Variants in ZNF277 observed in about 807,000 individuals in gnomAD.
ZNF277 encodes the protein nuclear receptor-interacting factor 4.
ZNF277 carries 55 observed loss-of-function variants against 60.7 expected under a neutral mutation model. The observed-to-expected ratio is 0.91, with a 90% CI of 0.73 to 1.13. The LOEUF (loss-of-function observed/expected upper bound fraction) is 1.13. Ranked by LOEUF, ZNF277 falls within the 50% of genes most tolerant of loss-of-function variation. The pLI, the probability that ZNF277 is intolerant of heterozygous loss-of-function variation, is 0.00. For synonymous variants in ZNF277, 178 were observed against 179.3 expected, an observed-to-expected ratio of 0.99 and a Z score of 0.06; for missense variants, 510 against 523.0, an observed-to-expected ratio of 0.98 and a Z score of 0.24.
At chr7:112,327,610 C>T in intron 5 of ZNF277, 107 bp from the exon 6 acceptor site, 1 of 762,290 alleles carries the variant, frequency 1.3e-6, no homozygotes, top group Non-Finnish European at 2.2e-6. Context: ...GTGCTTAGCA[C>T]TTGCTTATAC....
intron 1 of ZNF277, among the ~76,000 whole-genome samples, chr7:112,229,432 G>T (rs1016792058): frequency 3.9e-5 from 6 of 152,202 alleles, no homozygotes; most frequent in Non-Finnish European, 7.4e-5. Context: ...AGCAGTGGTA[G>T]ATAAAATGGA....
In ZNF277 at chr7:112,324,855, T is replaced by A. The variant is rs7811013; in HGVS notation, c.558-2862T>A. Among the ~76,000 whole-genome samples, 1,000 of 152,242 alleles carry A rather than the reference T, an allele frequency of 6.6e-3. 9 individuals carry two copies. The highest frequency in any genetic ancestry group is 0.023 in the African/African-American group (939 of 41,528). The stretch of plus-strand genomic sequence containing the variant: ...CAAGTTGGAGATTCAAGAAAGCCAG[T>A]GGTAAATTCAGTCTGAGTCTAAAGG... On this transcript the variant is annotated intron_variant, in intron 5 of 11. Coordinates refer to ENST00000361822, the MANE Select transcript of ZNF277 (RefSeq NM_021994.3).
chr7:112,209,542 C>T (rs1053075994), intron 1 of ZNF277, among the ~76,000 whole-genome samples: 3 of 152,094 alleles, frequency 2.0e-5, no homozygotes, highest in Admixed American at 1.3e-4. Context: ...AAAAATTTCT[C>T]ACCCTCGGTG....
At chr7:112,244,190 A>T (rs1030441594) in intron 1 of ZNF277, among the ~76,000 whole-genome samples, 1 of 152,152 alleles carries the variant, frequency 6.6e-6, no homozygotes, top group African/African-American at 2.4e-5. Context: ...TACAATGTAC[A>T]CTATTCAGGT....
intron 4 of ZNF277, among the ~76,000 whole-genome samples, chr7:112,310,481 GTGTGTGTGT>G: frequency 1.4e-5 from 2 of 146,800 alleles, no homozygotes; most frequent in African/African-American, 5.3e-5. Flanking sequence ...GAGAGAGAGT[GTGTGTGTGT>G]GTATGTATTT....
At chr7:112,238,163 A>C (rs1790852351) in intron 1 of ZNF277, among the ~76,000 whole-genome samples, 1 of 152,190 alleles carries the variant, frequency 6.6e-6, no homozygotes, top group African/African-American at 2.4e-5. Flanking sequence ...CACTGAATAG[A>C]ATAGGAAAGA....
chr7:112,293,876 G>C (rs1253797934), intron 2 of ZNF277, among the ~76,000 whole-genome samples: 2 of 152,122 alleles, frequency 1.3e-5, no homozygotes, highest in Non-Finnish European at 2.9e-5. Flanking sequence ...TCCACTCCTT[G>C]GTGTATTCTA....
At chr7:112,329,095 A>G (rs2117128558) in intron 6 of ZNF277, among the ~76,000 whole-genome samples, 1 of 152,336 alleles carries the variant, frequency 6.6e-6, no homozygotes, top group South Asian at 2.1e-4. Flanking sequence ...ATAAAAGAAT[A>G]TACTACAAAA....
intron 1 of ZNF277, among the ~76,000 whole-genome samples, chr7:112,247,079 C>G (rs894195162): frequency 6.6e-6 from 1 of 152,172 alleles, no homozygotes; most frequent in African/African-American, 2.4e-5. Flanking sequence ...AATGTATAAC[C>G]AATCACTAAT....
chr7:112,289,291 G>A (rs961299907), intron 2 of ZNF277, among the ~76,000 whole-genome samples: 2 of 152,132 alleles, frequency 1.3e-5, no homozygotes, highest in Non-Finnish European at 2.9e-5. Flanking sequence ...CTTCATCTCT[G>A]TCCTTATTGC....
At chr7:112,216,391 C>T (rs1156529992) in intron 1 of ZNF277, among the ~76,000 whole-genome samples, 2 of 152,158 alleles carry the variant, frequency 1.3e-5, no homozygotes, top group Non-Finnish European at 2.9e-5. Context: ...CTCACTGCAA[C>T]CTCTGCTTCC....
In ZNF277 at chr7:112,273,612, G is replaced by A. The variant is rs1053832773; in HGVS notation, c.92-13261G>A. Among the ~76,000 whole-genome samples the A allele has an allele frequency of 4.6e-5, 7 of 152,130 alleles. 1 individual carries two copies. The South Asian group carries it at 8.3e-4, about 18-fold the overall frequency. On this transcript the variant is annotated intron_variant, in intron 1 of 11. Transcript: ENST00000361822. ...TGGTGTTCCTGCCAGGAAGATTACC[G>A]GTCAAGGCTTCTATTCAACCATCTT...
intron 1 of ZNF277, among the ~76,000 whole-genome samples, chr7:112,216,574 G>T (rs1444356377): frequency 6.6e-6 from 1 of 152,168 alleles, no homozygotes; most frequent in South Asian, 2.1e-4. Flanking sequence ...CTCATAAAGC[G>T]CTAGGATTTT....
intron 4 of ZNF277, among the ~76,000 whole-genome samples, chr7:112,312,282 G>T (rs1053925608): frequency 6.6e-6 from 1 of 152,086 alleles, no homozygotes; most frequent in Non-Finnish European, 1.5e-5. Flanking sequence ...TGTAATTTAA[G>T]ATTTAGACGT....
chr7:112,291,358 A>G (rs1327503710), intron 2 of ZNF277, among the ~76,000 whole-genome samples: 4 of 152,184 alleles, frequency 2.6e-5, no homozygotes, highest in African/African-American at 9.6e-5. Flanking sequence ...TTTTTGTGAG[A>G]CAATTCTGTG....
chr7:112,274,382 C>A (rs1791747251), intron 1 of ZNF277, among the ~76,000 whole-genome samples: 1 of 152,006 alleles, frequency 6.6e-6, no homozygotes, highest in Non-Finnish European at 1.5e-5. Flanking sequence ...GTTTTGAGCT[C>A]CTGGGCTCAA....
At chr7:112,313,776 A>AT (rs2117104710) in intron 4 of ZNF277, among the ~76,000 whole-genome samples, 1 of 152,294 alleles carries the variant, frequency 6.6e-6, no homozygotes, top group East Asian at 1.9e-4. Flanking sequence ...TATAAATGAA[A>AT]TATAAACTAC....
chr7:112,333,166 A>G (rs1314627157), intron 7 of ZNF277, among the ~76,000 whole-genome samples: 1 of 151,770 alleles, frequency 6.6e-6, no homozygotes, highest in Non-Finnish European at 1.5e-5. Context: ...AAAAAAAAAG[A>G]TAGATATTCC....
Position 112,286,897 on chromosome 7 carries a change from CG to C in ZNF277, c.117del (p.Leu40PhefsTer13), listed in dbSNP as rs765194026. 9.5e-6 allele frequency: 15 copies of C among 1,577,218 alleles called. No homozygotes were observed. In the Admixed American group the frequency reaches 2.5e-4, roughly 26 times the overall value. ...YGDSKDCILE[P>X]LSLPESPGGT... The stretch of plus-strand genomic sequence containing the variant: ...GACAGTAAGGATTGTATCCTGGAGC[CG>C]CTTTCCCTGCCAGAAAGTCCAGGTG... On this transcript the variant is annotated frameshift_variant, in exon 2 of 12. Coordinates refer to ENST00000361822, the MANE Select transcript of ZNF277 (RefSeq NM_021994.3). LOFTEE classifies it high-confidence loss of function.
Sources: gnomAD v4.1 joint callset for allele counts (sites outside exome capture counted in the v4.1 genomes callset) on GRCh38, gnomAD v4.1.1 for gene constraint, MANE v1.5 for transcripts, NCBI Gene and HGNC (gene_info 2026-07-23, HGNC 2026-07-21) for gene names.